ANTXR2: variants seen among roughly 807,000 people sequenced by gnomAD.
ANTXR2 encodes the protein anthrax toxin receptor 2.
In ANTXR2, 44 loss-of-function variants were observed where a neutral mutation model predicts 73.7. The ratio of observed to expected loss-of-function variants is 0.60; its 90% CI spans 0.47 to 0.77. ANTXR2 has a LOEUF of 0.77. Ranked by LOEUF, ANTXR2 falls within the 30% of genes least tolerant of loss-of-function variation. ANTXR2 has a pLI of 0.00. For missense variants in ANTXR2, 604 were observed against 592.5 expected (o/e 1.02, Z -0.20); for synonymous variants, 217 against 205.9 (o/e 1.05, Z -0.46).
At chr4:80,026,413 A>G (rs1448187506) in intron 10 of ANTXR2, among the ~76,000 whole-genome samples, 1 of 152,192 alleles carries the variant, frequency 6.6e-6, no homozygotes, top group Non-Finnish European at 1.5e-5. Flanking sequence ...TAAATTACCC[A>G]GTCTCGGCAG....
rs1356881903 is a variant in ANTXR2, at chr4:79,943,515, C to T, written c.1428+34106G>A. On this transcript the variant is annotated intron_variant, in intron 16 of 16. Transcript: ENST00000403729. ...AAACCAAACACCGCATATTCTCACT[C>T]ATAGGTGGGAATTGAACAATGAGAT... is the stretch of plus-strand genomic sequence containing the variant. 1.2e-3 allele frequency among the ~76,000 whole-genome samples: 85 copies of T among 68,226 alleles called. 1 individual carries two copies. Among genetic ancestry groups the T allele is most frequent in the African/African-American group, 4.9e-3 (80 of 16,368 alleles). 44.8% of individuals were successfully genotyped at this position (68,226 alleles called of 152,430 possible). A position where few individuals can be genotyped will look rare whatever the true frequency, so the allele number is the denominator to read the frequency against.
At chr4:80,020,039 T>C (rs1458202828) in intron 10 of ANTXR2, among the ~76,000 whole-genome samples, 1 of 152,094 alleles carries the variant, frequency 6.6e-6, no homozygotes, top group Non-Finnish European at 1.5e-5. Flanking sequence ...CAAAATAGTT[T>C]ACAAAGGATA....
chr4:80,036,138 T>C (rs558164449), intron 7 of ANTXR2, 106 bp from the exon 8 acceptor site: 7 of 904,458 alleles, frequency 7.7e-6, no homozygotes, highest in African/African-American at 7.1e-5. Context: ...CATACTTCAA[T>C]AGATCTCAGA....
At chr4:79,953,954 TC>T (rs1000115463) in intron 16 of ANTXR2, among the ~76,000 whole-genome samples, 1 of 152,162 alleles carries the variant, frequency 6.6e-6, no homozygotes, top group Non-Finnish European at 1.5e-5. Flanking sequence ...GTTAAATTTT[TC>T]TTAATTCAAC....
chr4:80,031,498 A>G, intron 10 of ANTXR2, 125 bp downstream of exon 10: 1 of 721,592 alleles, frequency 1.4e-6, no homozygotes, highest in Non-Finnish European at 2.1e-6. Flanking sequence ...GGCTTGCCCA[A>G]GGCTTACTTT....
chr4:79,924,271 G>A lies in ANTXR2; in HGVS notation c.1429-16804C>T, dbSNP rs1045861415. ...TGACAAGTGTAAAGGTTTAAATACT[G>A]GGTACTTCATCAACAAGTAAAGATT... On this transcript the variant is annotated intron_variant, in intron 16 of 16. Coordinates refer to ENST00000403729, the MANE Select transcript of ANTXR2 (RefSeq NM_058172.6). 3.3e-5 allele frequency among the ~76,000 whole-genome samples: 5 copies of A among 152,132 alleles called. No homozygotes were observed. In the East Asian group the frequency reaches 9.7e-4, roughly 29 times the overall value.
intron 7 of ANTXR2, among the ~76,000 whole-genome samples, chr4:80,040,166 C>T (rs1733166402): frequency 1.3e-5 from 2 of 151,850 alleles, no homozygotes; most frequent in African/African-American, 4.8e-5. Flanking sequence ...CTATTGGGTA[C>T]TATGTTCAGT....
In ANTXR2 at chr4:79,918,185, A is replaced by T. The variant is rs200496197; in HGVS notation, c.1429-10718T>A. On this transcript the variant is annotated intron_variant, in intron 16 of 16. Transcript: ENST00000403729. The stretch of plus-strand genomic sequence containing the variant: ...GTTCAAATTAAAAAATAAAGAAGAA[A>T]ATAACTAAGGAGAATCTGAGCCCTA... 2.6e-5 allele frequency among the ~76,000 whole-genome samples: 4 copies of T among 152,206 alleles called. No homozygotes were observed. The East Asian group carries it at 7.7e-4, about 29-fold the overall frequency.
rs1027609477 is a variant in ANTXR2 at position 80,004,418 on chromosome 4, C to T, written c.1041+4103G>A. 5.3e-5 allele frequency among the ~76,000 whole-genome samples: 8 copies of T among 151,708 alleles called. No homozygotes were observed. The South Asian group carries it at 1.2e-3, about 24-fold the overall frequency. On this transcript the variant is annotated intron_variant, in intron 12 of 16. Coordinates refer to ENST00000403729, the MANE Select transcript of ANTXR2 (RefSeq NM_058172.6). ...AAACCACAGAAACTTTTTTTTTATACTTCTGGAAGTCTGGAGTCTGAAGTG... is the reference window on the plus strand; with the variant it reads ...AAACCACAGAAACTTTTTTTTTATATTTCTGGAAGTCTGGAGTCTGAAGTG...
Position 79,995,452 on chromosome 4 carries a change from C to T in ANTXR2, c.1042-10589G>A, listed in dbSNP as rs186052331. Among the ~76,000 whole-genome samples, 697 of 151,950 alleles carry T rather than the reference C, an allele frequency of 4.6e-3. 10 individuals carry two copies. The highest frequency in any genetic ancestry group is 0.016 in the African/African-American group (660 of 41,486). ...TACTAGTCCCTAAGAAAATGAAGCA[C>T]TAAATTTTTTCCTGAACCAATAAAG... On this transcript the variant is annotated intron_variant, in intron 12 of 16. Transcript: ENST00000403729.
chr4:80,041,489 A>G (rs932614000), intron 7 of ANTXR2, among the ~76,000 whole-genome samples: 1 of 151,858 alleles, frequency 6.6e-6, no homozygotes, highest in Non-Finnish European at 1.5e-5. Context: ...GTTCTGGGGT[A>G]CATGTGCAGG....
At chr4:79,994,702 G>A (rs1008048483) in intron 12 of ANTXR2, among the ~76,000 whole-genome samples, 1 of 151,646 alleles carries the variant, frequency 6.6e-6, no homozygotes, top group South Asian at 2.1e-4. Context: ...AGTGATATGG[G>A]AAAATTGAAT....
intron 11 of ANTXR2, among the ~76,000 whole-genome samples, chr4:80,012,799 C>A (rs1436255334): frequency 6.6e-6 from 1 of 152,170 alleles, no homozygotes; most frequent in Non-Finnish European, 1.5e-5. Flanking sequence ...ACTCATCAAA[C>A]CATGCACCTC....
rs141421448 is a variant in ANTXR2 at position 79,983,438 on chromosome 4, A to G, written c.1179+440T>C. ...AGTGGCAACTAACATAAAGTATTAA[A>G]TGTGCTTCCTCTATATTTGTGATAA... On this transcript the variant is annotated intron_variant, in intron 14 of 16. Transcript: ENST00000403729. Among the ~76,000 whole-genome samples, 690 of 152,264 alleles carry G rather than the reference A, an allele frequency of 4.5e-3. 9 individuals are homozygous for G. The highest frequency in any genetic ancestry group is 0.016 in the African/African-American group (655 of 41,556).
At chr4:80,003,593 T>C (rs1309023898) in intron 12 of ANTXR2, among the ~76,000 whole-genome samples, 1 of 151,408 alleles carries the variant, frequency 6.6e-6, no homozygotes, top group Admixed American at 6.6e-5. Flanking sequence ...AAAAAGAAAA[T>C]GGACAAAATA....
intron 14 of ANTXR2, 123 bp downstream of exon 14, chr4:79,983,755 C>T (rs1729986289): frequency 1.3e-6 from 1 of 776,064 alleles, no homozygotes; most frequent in Middle Eastern, 2.3e-4. Flanking sequence ...AGAAAAGACC[C>T]AGTGTTAAGC....
chr4:79,954,688 C>G (rs1420064133), intron 16 of ANTXR2, among the ~76,000 whole-genome samples: 3 of 152,070 alleles, frequency 2.0e-5, no homozygotes, highest in African/African-American at 7.2e-5. Context: ...CTGAAATATA[C>G]TTTCATCTAA....
At chr4:80,009,682 A>T (rs1458717143) in intron 11 of ANTXR2, among the ~76,000 whole-genome samples, 1 of 151,980 alleles carries the variant, frequency 6.6e-6, no homozygotes, top group African/African-American at 2.4e-5. Flanking sequence ...CCCCATCTCT[A>T]CTAAAAATAC....
chr4:79,922,313 T>C (rs1275902018), intron 16 of ANTXR2, among the ~76,000 whole-genome samples: 2 of 152,098 alleles, frequency 1.3e-5, no homozygotes, highest in Non-Finnish European at 2.9e-5. Flanking sequence ...GAATATACAA[T>C]GGCATTTAAT....
Sources: gnomAD v4.1 joint callset for allele counts (sites outside exome capture counted in the v4.1 genomes callset) on GRCh38, gnomAD v4.1.1 for gene constraint, MANE v1.5 for transcripts, NCBI Gene and HGNC (gene_info 2026-07-23, HGNC 2026-07-21) for gene names.